The following KLF8 variants were observed in gnomAD, a reference collection of about 807,000 sequenced individuals.
The protein encoded by KLF8 is Krueppel-like factor 8.
KLF8 carries 10 observed loss-of-function variants against 18.2 expected under a neutral mutation model. That is an observed-to-expected ratio of 0.55 (90% CI 0.34 to 0.93). The LOEUF (loss-of-function observed/expected upper bound fraction) is 0.93, where lower values mean the gene tolerates loss of function less well. Ranked by LOEUF, KLF8 falls within the 40% of genes least tolerant of loss-of-function variation. KLF8 has a pLI of 0.02. For synonymous variants in KLF8, 109 were observed against 97.3 expected (o/e 1.12, Z -0.71); for missense variants, 264 against 277.9 (o/e 0.95, Z 0.36).
At chrX:56,171,391 T>C in the KLF8 span, among the ~76,000 whole-genome samples, 1 of 112,103 alleles carries the variant, frequency 8.9e-6, no homozygotes, top group Admixed American at 9.5e-5. Flanking sequence ...TCTTTTATTA[T>C]ACTTTAAGTT....
At chrX:56,263,517 G>T (rs2066916502) in intron 2 of KLF8, among the ~76,000 whole-genome samples, 1 of 110,841 alleles carries the variant, frequency 9.0e-6, no homozygotes, top group African/African-American at 3.3e-5. Flanking sequence ...GCAGAGTCTT[G>T]CTCTGTCACC....
At chrX:56,079,139 T>C in the KLF8 span, among the ~76,000 whole-genome samples, 1 of 111,332 alleles carries the variant, frequency 9.0e-6, no homozygotes, top group Admixed American at 9.5e-5. Context: ...TGTCTCTATT[T>C]CCTTCAGTTC....
Position 56,291,401 on chromosome X carries a change from G to GATT in KLF8, c.*6909_*6911dup, listed in dbSNP as rs1364192623. ...GCCTCTGTTAGCATGGCCACTTAGAGATTACTCTGTTCTACTTCAGAGACC... is the reference window on the plus strand; with the variant it reads ...GCCTCTGTTAGCATGGCCACTTAGAGATTATTACTCTGTTCTACTTCAGAGACC... On this transcript the variant is annotated 3_prime_UTR_variant, in exon 6 of 6. Transcript: ENST00000468660. Among the ~76,000 whole-genome samples, 2 of 111,796 alleles carry GATT rather than the reference G, an allele frequency of 1.8e-5. No homozygotes were observed. Among genetic ancestry groups the GATT allele is most frequent in the Admixed American group, 9.5e-5 (1 of 10,487 alleles).
At chrX:56,190,624 C>A in the KLF8 span, among the ~76,000 whole-genome samples, 6 of 111,573 alleles carry the variant, frequency 5.4e-5, no homozygotes, top group East Asian at 1.4e-3. Context: ...TAATATCAAG[C>A]ATCTTCTCTG....
chrX:56,073,229 C>T, the KLF8 span, among the ~76,000 whole-genome samples: 8 of 111,543 alleles, frequency 7.2e-5, no homozygotes, highest in Admixed American at 6.6e-4. Flanking sequence ...CCTCGTGATC[C>T]GACCGCCTCA....
chrX:56,076,539 ATTG>A, the KLF8 span, among the ~76,000 whole-genome samples: 1 of 110,967 alleles, frequency 9.0e-6, no homozygotes, highest in Admixed American at 9.6e-5. Context: ...CCAGTCTATC[ATTG>A]TTGGACATTT....
chrX:56,286,983 T>G lies in KLF8; in HGVS notation c.*2489T>G, dbSNP rs1162626807. 1 of 111,669 alleles carries G rather than the reference T, an allele frequency of 9.0e-6. No homozygotes were observed. Among genetic ancestry groups the G allele is most frequent in the Non-Finnish European group, 1.9e-5 (1 of 53,120 alleles). 9.2% of individuals were successfully genotyped at this position (111,669 alleles called of 1,213,427 possible). ...CCGAGCTTACTCATTTTTTTCAAAA[T>G]TTGGATCCTGATACTCCTTTTTCAG... On this transcript the variant is annotated 3_prime_UTR_variant, in exon 6 of 6. Coordinates refer to ENST00000468660, the MANE Select transcript of KLF8 (RefSeq NM_007250.5).
the KLF8 span, among the ~76,000 whole-genome samples, chrX:55,968,871 G>T: frequency 3.6e-5 from 4 of 111,858 alleles, no homozygotes; most frequent in South Asian, 3.7e-4. Flanking sequence ...AGGTCATTAT[G>T]TAATGATAAG....
chrX:56,160,471 C>G, the KLF8 span, among the ~76,000 whole-genome samples: 2 of 111,115 alleles, frequency 1.8e-5, no homozygotes, highest in Non-Finnish European at 3.8e-5. Flanking sequence ...GTTGATCTGT[C>G]TAATGTTGAC....
chrX:56,032,266 C>T, the KLF8 span, among the ~76,000 whole-genome samples: 3 of 111,739 alleles, frequency 2.7e-5, no homozygotes, highest in East Asian at 5.6e-4. Flanking sequence ...AGCCACCATT[C>T]CTGGCCCTTA....
the KLF8 span, among the ~76,000 whole-genome samples, chrX:56,057,615 G>T: frequency 4.5e-5 from 5 of 111,362 alleles, no homozygotes; most frequent in Admixed American, 1.9e-4. Flanking sequence ...GGCACTCAAG[G>T]CTTCTTTGAA....
chrX:56,248,807 A>G (rs938277058), intron 1 of KLF8, among the ~76,000 whole-genome samples: 1 of 111,740 alleles, frequency 8.9e-6, no homozygotes, highest in Admixed American at 9.5e-5. Flanking sequence ...CTCTCACTTC[A>G]TAGTTAATTA....
chrX:56,032,857 G>A, the KLF8 span, among the ~76,000 whole-genome samples: 1 of 111,472 alleles, frequency 9.0e-6, no homozygotes, highest in Non-Finnish European at 1.9e-5. Context: ...ACCTAAGAGT[G>A]GAATTACTAG....
chrX:56,172,270 C>A, the KLF8 span, among the ~76,000 whole-genome samples: 3 of 110,844 alleles, frequency 2.7e-5, no homozygotes, highest in East Asian at 5.7e-4. Context: ...CCACACCCCA[C>A]AACAGGCCCC....
At chrX:56,061,986 C>CTTTTTTTTTTTTTTTTTTTTTTTTTT in the KLF8 span, among the ~76,000 whole-genome samples, 69 of 57,115 alleles carry the variant, frequency 1.2e-3, 2 homozygotes, top group African/African-American at 4.3e-3. Context: ...GCAACCCCTG[C>CTTTTTTTTTTTTTTTTTTTTTTTTTT]TTTTTTTTTT....
the KLF8 span, among the ~76,000 whole-genome samples, chrX:56,005,409 G>C: frequency 8.9e-6 from 1 of 112,117 alleles, no homozygotes; most frequent in Non-Finnish European, 1.9e-5. Context: ...ACCAGTGAGA[G>C]CAAGGCTGCT....
the KLF8 span, among the ~76,000 whole-genome samples, chrX:55,938,382 C>A: frequency 1.8e-5 from 2 of 111,587 alleles, no homozygotes; most frequent in African/African-American, 6.5e-5. Flanking sequence ...AAGCACTAAA[C>A]ATGGAAAGGA....
chrX:55,938,177 C>T, the KLF8 span, among the ~76,000 whole-genome samples: 8 of 111,963 alleles, frequency 7.1e-5, no homozygotes, highest in East Asian at 5.6e-4. Flanking sequence ...GGTGATCTCT[C>T]GGCAGAAGCT....
the KLF8 span, among the ~76,000 whole-genome samples, chrX:56,181,542 C>A: frequency 8.9e-6 from 1 of 111,807 alleles, no homozygotes; most frequent in Non-Finnish European, 1.9e-5. Flanking sequence ...TTAATTCTTG[C>A]AGTTTCTTCC....
Sources: allele counts gnomAD v4.1 joint callset (sites outside exome capture counted in the v4.1 genomes callset), GRCh38; gene constraint gnomAD v4.1.1; transcripts MANE v1.5; gene names NCBI Gene and HGNC (gene_info 2026-07-23, HGNC 2026-07-21).